Variants in DPYD observed in about 807,000 individuals in gnomAD.
The protein encoded by DPYD is dihydropyrimidine dehydrogenase [NADP(+)].
A neutral mutation model predicts 116.2 loss-of-function variants in DPYD; 109 were observed. That is an observed-to-expected ratio of 0.94 (90% CI 0.80 to 1.10). DPYD has a LOEUF of 1.10. Among genes scored for constraint, DPYD ranks in the 50% least tolerant of loss-of-function variants. DPYD has a pLI of 0.00. For synonymous variants in DPYD, 440 were observed against 432.0 expected (o/e 1.02, Z -0.23); for missense variants, 1,302 against 1,254.5 (o/e 1.04, Z -0.57).
intron 2 of DPYD, among the ~76,000 whole-genome samples, chr1:97,829,947 G>A (rs1669446727): frequency 6.6e-6 from 1 of 151,338 alleles, no homozygotes; most frequent in Non-Finnish European, 1.5e-5. Context: ...CCCACCCTGT[G>A]TCCATGTGTT....
At chr1:97,116,530 G>A (rs1213392538) in intron 20 of DPYD, among the ~76,000 whole-genome samples, 1 of 151,774 alleles carries the variant, frequency 6.6e-6, no homozygotes, top group African/African-American at 2.4e-5. Context: ...AACTTAGCTG[G>A]GTGTGGTGGC....
Position 97,160,648 on chromosome 1 carries a change from T to C in DPYD, c.2622+32421A>G, listed in dbSNP as rs74106700. On this transcript the variant is annotated intron_variant, in intron 20 of 22. Transcript: ENST00000370192. ...TCATTGGTACTTAAAATTTCTCTTA[T>C]TGTCACATAGATTGAATTTCAAAGA... Among the ~76,000 whole-genome samples the C allele has an allele frequency of 3.2e-3, 484 of 152,208 alleles. 5 individuals are homozygous for C. The highest frequency in any genetic ancestry group is 0.011 in the African/African-American group (474 of 41,550).
chr1:97,205,423 C>A (rs1392339595), intron 19 of DPYD, among the ~76,000 whole-genome samples: 1 of 151,776 alleles, frequency 6.6e-6, no homozygotes, highest in Non-Finnish European at 1.5e-5. Flanking sequence ...ATATATGTAG[C>A]TTTTTCAGAT....
At chr1:97,570,141 T>G (rs1652793642) in intron 11 of DPYD, among the ~76,000 whole-genome samples, 1 of 152,030 alleles carries the variant, frequency 6.6e-6, no homozygotes, top group African/African-American at 2.4e-5. Context: ...TGAAACAAAT[T>G]TAGAAACTTA....
chr1:97,383,751 G>A (rs1275087924), intron 14 of DPYD, among the ~76,000 whole-genome samples: 2 of 152,068 alleles, frequency 1.3e-5, no homozygotes, highest in Non-Finnish European at 2.9e-5. Context: ...ACTAGGTTTT[G>A]CTAGCCCAAA....
intron 14 of DPYD, among the ~76,000 whole-genome samples, chr1:97,416,118 T>C (rs1674277477): frequency 1.3e-5 from 2 of 152,206 alleles, no homozygotes; most frequent in African/African-American, 4.8e-5. Context: ...TTCTCATTTG[T>C]CAGAATTTGA....
At chr1:97,720,595 T>C in intron 5 of DPYD, 1 of 1,123,890 alleles carries the variant, frequency 8.9e-7, no homozygotes, top group South Asian at 3.6e-5. Context: ...CCCTGATTTA[T>C]TACTAAGAGC....
chr1:97,849,958 T>C (rs545759608), intron 2 of DPYD, among the ~76,000 whole-genome samples: 13 of 152,178 alleles, frequency 8.5e-5, no homozygotes, highest in Middle Eastern at 3.2e-3. Context: ...CTAAGAAATT[T>C]CCTGCCTGAG....
chr1:97,754,428 T>C (rs1225518619), intron 3 of DPYD, among the ~76,000 whole-genome samples: 2 of 152,192 alleles, frequency 1.3e-5, no homozygotes, highest in Admixed American at 6.5e-5. Flanking sequence ...TTCCCTCCAC[T>C]ATGCTCCTAA....
At chr1:97,233,121 C>G (rs1661685138) in intron 19 of DPYD, among the ~76,000 whole-genome samples, 1 of 152,166 alleles carries the variant, frequency 6.6e-6, no homozygotes, top group Non-Finnish European at 1.5e-5. Flanking sequence ...TCTTACTTGG[C>G]TTTCTTGGAC....
intron 14 of DPYD, among the ~76,000 whole-genome samples, chr1:97,428,951 T>A (rs1675024690): frequency 1.3e-5 from 2 of 152,072 alleles, no homozygotes; most frequent in South Asian, 4.1e-4. Context: ...ATTTTTTAAA[T>A]CATTTAAAAA....
intron 14 of DPYD, among the ~76,000 whole-genome samples, chr1:97,413,465 TTTTG>T (rs998173298): frequency 3.9e-5 from 6 of 152,132 alleles, no homozygotes; most frequent in African/African-American, 1.2e-4. Flanking sequence ...TTCGTTGTTT[TTTTG>T]TTTGTTTGTT....
Position 97,786,549 on chromosome 1 carries a change from C to T in DPYD, c.233+41565G>A, listed in dbSNP as rs150678637. ...CCATCCATTCAATATTTATCCTTCT[C>T]ATCCTGGAAATGTGCTCACACACAA... On this transcript the variant is annotated intron_variant, in intron 3 of 22. Coordinates refer to ENST00000370192, the MANE Select transcript of DPYD (RefSeq NM_000110.4). Among the ~76,000 whole-genome samples the T allele has an allele frequency of 1.2e-3, 183 of 152,280 alleles. 2 individuals are homozygous for T. Among genetic ancestry groups the T allele is most frequent in the African/African-American group, 4.4e-3 (182 of 41,560 alleles).
intron 20 of DPYD, among the ~76,000 whole-genome samples, chr1:97,144,470 G>T (rs828054): frequency 0.63 from 95,529 of 152,104 alleles, 31,946 homozygotes; most frequent in East Asian, 0.99. Flanking sequence ...TTGGTGGTCT[G>T]GAAAGAATGA....
chr1:97,278,921 A>ATT (rs35732009), intron 18 of DPYD, among the ~76,000 whole-genome samples: 13 of 150,970 alleles, frequency 8.6e-5, no homozygotes, highest in Admixed American at 4.0e-4. Context: ...TTTCGTAAAA[A>ATT]TTTTTTTTTT....
chr1:97,082,275 G>T (rs290854), intron 22 of DPYD, 55 bp downstream of exon 22: 1 of 1,611,518 alleles, frequency 6.2e-7, no homozygotes, highest in Non-Finnish European at 8.5e-7. Context: ...GCTTTCTGCC[G>T]TAAAAACAAG....
chr1:97,529,369 A>T (rs868375426), intron 12 of DPYD, among the ~76,000 whole-genome samples: 55 of 152,204 alleles, frequency 3.6e-4, no homozygotes, highest in Middle Eastern at 3.4e-3. Context: ...TTTCTTTTTT[A>T]AAAAAAGTAG....
Position 97,345,096 on chromosome 1 carries a change from C to A in DPYD, c.2058+28465G>T, listed in dbSNP as rs1242645725. Among the ~76,000 whole-genome samples, 4 of 151,872 alleles carry A rather than the reference C, an allele frequency of 2.6e-5. No homozygotes were observed. In the East Asian group the frequency reaches 7.7e-4, roughly 29 times the overall value. On this transcript the variant is annotated intron_variant, in intron 16 of 22. Coordinates refer to ENST00000370192, the MANE Select transcript of DPYD (RefSeq NM_000110.4). ...GGGTTGGATATCTTTTCACGTTTAC[C>A]GGCCATTGGTAATTTTGCTTCTTTA...
chr1:97,176,181 G>A (rs1456397573), intron 20 of DPYD, among the ~76,000 whole-genome samples: 2 of 152,176 alleles, frequency 1.3e-5, no homozygotes, highest in African/African-American at 4.8e-5. Context: ...GTTAATGCAT[G>A]GAAGAAATGA....
Sources: allele counts gnomAD v4.1 joint callset (sites outside exome capture counted in the v4.1 genomes callset), GRCh38; gene constraint gnomAD v4.1.1; transcripts MANE v1.5; gene names NCBI Gene and HGNC (gene_info 2026-07-23, HGNC 2026-07-21).